The following CNOT2 variants were observed in gnomAD, a reference collection of about 807,000 sequenced individuals.
The protein encoded by CNOT2 is CCR4-NOT transcription complex subunit 2, also known as CC chemokine receptor 4-negative regulator of transcription 2.
In CNOT2, 7 loss-of-function variants were observed where a neutral mutation model predicts 72.1. The observed-to-expected ratio is 0.10, with a 90% CI of 0.06 to 0.18. The LOEUF is 0.18. CNOT2 is among the 10% of genes least tolerant of loss of function. The probability of loss-of-function intolerance (pLI) is 1.00; values close to 1 mark genes in which losing one functional copy is unlikely to be tolerated. For missense variants in CNOT2, 345 were observed against 660.3 expected, an observed-to-expected ratio of 0.52 and a Z score of 5.23; for synonymous variants, 196 against 225.6, an observed-to-expected ratio of 0.87 and a Z score of 1.17.
intron 3 of CNOT2, among the ~76,000 whole-genome samples, chr12:70,315,425 G>A (rs948421110): frequency 4.6e-5 from 7 of 152,008 alleles, no homozygotes; most frequent in Middle Eastern, 3.4e-3. Flanking sequence ...CATAGTGCTA[G>A]GAATTATATT....
chr12:70,300,664 G>C (rs944336080), intron 2 of CNOT2, among the ~76,000 whole-genome samples: 17 of 152,146 alleles, frequency 1.1e-4, no homozygotes, highest in African/African-American at 4.1e-4. Flanking sequence ...GATGCCTCCA[G>C]CTTTGTTCTT....
At chr12:70,294,402 A>G (rs756698370) in intron 2 of CNOT2, 16 of 595,392 alleles carry the variant, frequency 2.7e-5, no homozygotes, top group Non-Finnish European at 3.8e-5. Context: ...GTTTAGAAAT[A>G]TAATGTTTGT....
intron 7 of CNOT2, 165 bp from the exon 8 acceptor site, chr12:70,335,273 A>G: frequency 2.0e-6 from 1 of 489,616 alleles, no homozygotes; most frequent in Non-Finnish European, 3.7e-6. Flanking sequence ...TTTGACATGA[A>G]ATCAATCTGC....
At chr12:70,243,372 G>C (rs942103862), upstream of CNOT2, 3 of 152,694 alleles carry the variant, frequency 2.0e-5, no homozygotes, top group Non-Finnish European at 2.9e-5. Context: ...GAGGGAAGCC[G>C]GAGCGACGGG....
chr12:70,247,451 C>T lies in CNOT2; in HGVS notation c.-96+3971C>T, dbSNP rs192382208. Among the ~76,000 whole-genome samples, 28 of 152,232 alleles carry T rather than the reference C, an allele frequency of 1.8e-4. No homozygotes were observed. The East Asian group carries it at 4.6e-3, about 25-fold the overall frequency. On this transcript the variant is annotated intron_variant, in intron 1 of 15. Coordinates refer to ENST00000229195, the MANE Select transcript of CNOT2 (RefSeq NM_014515.7). Reference sequence around the variant, plus strand: ...GATTACAGGCATGAGCCACCACGCCCGTCCTATTCTTTTTATTCATGTGTA... The same window carrying T: ...GATTACAGGCATGAGCCACCACGCCTGTCCTATTCTTTTTATTCATGTGTA...
chr12:70,294,363 G>A (rs1872489922), intron 2 of CNOT2: 1 of 1,103,840 alleles, frequency 9.1e-7, no homozygotes, highest in South Asian at 1.3e-5. Flanking sequence ...GTGGATGTTG[G>A]GCCATTTTAT....
intron 7 of CNOT2, among the ~76,000 whole-genome samples, chr12:70,334,035 A>C (rs750529880): frequency 6.6e-6 from 1 of 152,016 alleles, no homozygotes; most frequent in Non-Finnish European, 1.5e-5. Flanking sequence ...AGCATATTTT[A>C]TGCTAGGAAA....
chr12:70,320,384 C>T (rs1284300662), intron 4 of CNOT2, among the ~76,000 whole-genome samples: 1 of 151,680 alleles, frequency 6.6e-6, no homozygotes, highest in East Asian at 1.9e-4. Flanking sequence ...ATTTTGTATA[C>T]AAGCATGGTT....
chr12:70,308,861 G>T (rs990410166), intron 2 of CNOT2, among the ~76,000 whole-genome samples: 4 of 152,086 alleles, frequency 2.6e-5, no homozygotes, highest in Non-Finnish European at 5.9e-5. Context: ...TATAAAATTT[G>T]ATGAGAGATG....
At chr12:70,316,264 A>G (rs562323153) in intron 3 of CNOT2, among the ~76,000 whole-genome samples, 1 of 152,240 alleles carries the variant, frequency 6.6e-6, no homozygotes, top group African/African-American at 2.4e-5. Context: ...TAAGAAATTT[A>G]CCTTTATATT....
intron 9 of CNOT2, chr12:70,338,130 T>C: frequency 4.2e-6 from 1 of 236,574 alleles, no homozygotes; most frequent in Non-Finnish European, 8.2e-6. Flanking sequence ...GAGTGTAACT[T>C]CAAGTGTATC....
intron 2 of CNOT2, among the ~76,000 whole-genome samples, chr12:70,296,758 C>CCT: frequency 1.5e-5 from 1 of 65,912 alleles, no homozygotes; most frequent in Admixed American, 2.0e-4. Flanking sequence ...TTTATTTAAG[C>CCT]CCCCCCCCCT....
intron 15 of CNOT2, 37 bp from the exon 16 acceptor site, chr12:70,353,786 TGAAAAG>T (rs781234728): frequency 2.8e-5 from 44 of 1,593,338 alleles, no homozygotes; most frequent in Non-Finnish European, 3.7e-5. Context: ...AAATGTAAAA[TGAAAAG>T]GGGAAGATAT....
intron 1 of CNOT2, among the ~76,000 whole-genome samples, chr12:70,254,906 G>A (rs924031586): frequency 1.3e-5 from 2 of 151,158 alleles, no homozygotes; most frequent in Non-Finnish European, 2.9e-5. Flanking sequence ...GCTTGAACCT[G>A]GGAGGCGGAG....
rs1225727444 is a variant in CNOT2, at chr12:70,344,137, A to G, written c.1300A>G (p.Ile434Val). The change falls in exon 14 of 16, where the codon ATA becomes GTA. Residue 434 changes from isoleucine (I) to valine (V), a missense_variant. Physicochemically the swap from Ile to Val is conservative, Grantham distance 29. Transcript: ENST00000229195. ...TATTTTTCTTTTTCAGCTGGCTGCA[A>G]TAAAACTTGGCCGATATGGTGAAGA... ...NIHIRDKLAA[I>V]KLGRYGEDLL... 6.3e-7 allele frequency: 1 copy of G among 1,598,586 alleles called. No homozygotes were observed. The highest frequency in any genetic ancestry group is 8.5e-7 in the Non-Finnish European group (1 of 1,174,290).
chr12:70,313,633 C>G (rs1158845418), intron 3 of CNOT2, among the ~76,000 whole-genome samples: 1 of 151,796 alleles, frequency 6.6e-6, no homozygotes, highest in South Asian at 2.1e-4. Context: ...CCTTAAAGAA[C>G]CAGATAGTAA....
chr12:70,305,873 G>GTTT (rs11412509), intron 2 of CNOT2, among the ~76,000 whole-genome samples: 822 of 60,052 alleles, frequency 0.014, 42 homozygotes, highest in East Asian at 0.12. Context: ...TCTGAAGTTT[G>GTTT]TTTTTTTTTT....
intron 2 of CNOT2, among the ~76,000 whole-genome samples, chr12:70,293,914 CTT>C (rs34038348): frequency 0.16 from 11,592 of 70,994 alleles, 810 homozygotes; most frequent in Admixed American, 0.3. Context: ...GTGAGCACTG[CTT>C]TTTTTTTTTT....
Position 70,354,002 on chromosome 12 carries a change from G to A in CNOT2, c.*87G>A, listed in dbSNP as rs750586587. The A allele has an allele frequency of 4.6e-5, 69 of 1,498,902 alleles. No homozygotes were observed. Among genetic ancestry groups the A allele is most frequent in the Non-Finnish European group, 5.8e-5 (65 of 1,128,120 alleles). The allele number at this position is 1,498,902 out of a possible 1,614,324, so 92.9% of individuals were successfully genotyped here. On this transcript the variant is annotated 3_prime_UTR_variant, in exon 16 of 16. Coordinates refer to ENST00000229195, the MANE Select transcript of CNOT2 (RefSeq NM_014515.7). The stretch of plus-strand genomic sequence containing the variant: ...TACTCAACATAACTGCAGAACTGAT[G>A]TGGCTCAGGCACCCTGGTTTTAATT...
Sources: allele counts gnomAD v4.1 joint callset (sites outside exome capture counted in the v4.1 genomes callset), GRCh38; gene constraint gnomAD v4.1.1; transcripts MANE v1.5; gene names NCBI Gene and HGNC (gene_info 2026-07-23, HGNC 2026-07-21).